The following GRAMD4 variants were observed in gnomAD, a reference collection of about 807,000 sequenced individuals.
GRAMD4 encodes GRAM domain containing 4.
Under a neutral mutation model 83.9 loss-of-function variants are expected in GRAMD4, and 25 were observed. The ratio of observed to expected loss-of-function variants is 0.30; its 90% confidence interval spans 0.22 to 0.42. GRAMD4 has a LOEUF of 0.42. GRAMD4 is among the 10% of genes least tolerant of loss of function. The pLI is 1.00. For missense variants in GRAMD4, 593 were observed against 788.7 expected (o/e 0.75, Z 2.97); for synonymous variants, 336 against 320.9 (o/e 1.05, Z -0.50).
intron 9 of GRAMD4, 22 bp from the exon 10 acceptor site, chr22:46,666,803 G>A (rs751752066): frequency 1.4e-5 from 22 of 1,606,650 alleles, no homozygotes; most frequent in Admixed American, 1.3e-4. Flanking sequence ...TCCTAAAGGT[G>A]TGTGTGTTTT....
intron 1 of GRAMD4, among the ~76,000 whole-genome samples, chr22:46,591,417 G>A (rs1324129991): frequency 1.3e-5 from 2 of 152,136 alleles, no homozygotes; most frequent in Non-Finnish European, 2.9e-5. Flanking sequence ...TTGGGAGGCT[G>A]AGGTGGGAGT....
At chr22:46,610,729 T>C (rs757270550) in intron 1 of GRAMD4, among the ~76,000 whole-genome samples, 5 of 152,200 alleles carry the variant, frequency 3.3e-5, no homozygotes, top group Non-Finnish European at 4.4e-5. Context: ...GGCCATCTCA[T>C]TGGCTGGTTA....
upstream of GRAMD4, among the ~76,000 whole-genome samples, chr22:46,617,430 C>T (rs1407240189): frequency 4.7e-5 from 7 of 150,494 alleles, no homozygotes; most frequent in Non-Finnish European, 1.0e-4. Context: ...GTAGGTTCCC[C>T]TGGGTGTAGG....
At chr22:46,590,894 C>G (rs1252012057) in intron 1 of GRAMD4, among the ~76,000 whole-genome samples, 1 of 152,118 alleles carries the variant, frequency 6.6e-6, no homozygotes, top group South Asian at 2.1e-4. Flanking sequence ...AACTCTGTCT[C>G]TACTAAAAAT....
intron 1 of GRAMD4, among the ~76,000 whole-genome samples, chr22:46,591,626 G>A (rs2081208795): frequency 6.6e-6 from 1 of 152,076 alleles, no homozygotes; most frequent in Non-Finnish European, 1.5e-5. Flanking sequence ...CCAGAGGTCA[G>A]TAGTTGGAGA....
intron 1 of GRAMD4, among the ~76,000 whole-genome samples, chr22:46,599,217 CTGTGTGTGAGAGTGCT>C (rs1467437969): frequency 2.0e-5 from 3 of 152,142 alleles, no homozygotes; most frequent in Non-Finnish European, 4.4e-5. Flanking sequence ...CAGACAGGGC[CTGTGTGTGAGAGTGCT>C]TGCGTTGTCA....
chr22:46,598,077 G>T (rs1442780514), intron 1 of GRAMD4, among the ~76,000 whole-genome samples: 1 of 152,164 alleles, frequency 6.6e-6, no homozygotes, highest in East Asian at 1.9e-4. Flanking sequence ...CACCTCCTGG[G>T]TTCAAGTGAT....
chr22:46,628,364 A>C (rs969044633), intron 2 of GRAMD4, among the ~76,000 whole-genome samples: 1 of 151,758 alleles, frequency 6.6e-6, no homozygotes, highest in African/African-American at 2.4e-5. Flanking sequence ...CGGGCCAAGC[A>C]TGGACTCAGG....
At chr22:46,581,855 C>G (rs1299892024) in intron 1 of GRAMD4, among the ~76,000 whole-genome samples, 1 of 152,202 alleles carries the variant, frequency 6.6e-6, no homozygotes, top group African/African-American at 2.4e-5. Flanking sequence ...TGTTCTTGGG[C>G]AAGACACCTA....
chr22:46,620,055 T>C (rs1035791556), upstream of GRAMD4, among the ~76,000 whole-genome samples: 8 of 151,004 alleles, frequency 5.3e-5, no homozygotes, highest in African/African-American at 1.9e-4. The surrounding 1 kb of genome is among the most constrained non-coding windows in gnomAD (Gnocchi z 4.7). Context: ...AGAGGAACTT[T>C]AGCAGGGGAG....
intron 2 of GRAMD4, among the ~76,000 whole-genome samples, chr22:46,628,840 A>T (rs1347273758): frequency 6.6e-6 from 1 of 151,720 alleles, no homozygotes; most frequent in Admixed American, 6.6e-5. Flanking sequence ...ATGTCTGGGG[A>T]GTAGCTTGGA....
chr22:46,679,676 G>C lies in GRAMD4; in HGVS notation c.*2425G>C, dbSNP rs1002286515. 1 of 981,746 alleles carries C rather than the reference G, an allele frequency of 1.0e-6. No homozygotes were observed. Among genetic ancestry groups the C allele is most frequent in the African/African-American group, 1.7e-5 (1 of 57,308 alleles). 60.8% of individuals were successfully genotyped at this position (981,746 alleles called of 1,614,324 possible). On this transcript the variant is annotated 3_prime_UTR_variant, in exon 19 of 19. Transcript: ENST00000406902. ...GGATTGTACTGTATTAAGAACCGAT[G>C]AAAAAAATTCTCCTGTAACATTTTT...
chr22:46,670,970 C>T (rs1319239000), intron 13 of GRAMD4: 10 of 323,458 alleles, frequency 3.1e-5, no homozygotes, highest in Non-Finnish European at 5.7e-5. Flanking sequence ...ATCACCACTG[C>T]CACTGGGCAG....
intron 2 of GRAMD4, among the ~76,000 whole-genome samples, chr22:46,630,273 G>A (rs1287347881): frequency 1.3e-5 from 2 of 152,118 alleles, no homozygotes; most frequent in African/African-American, 2.4e-5. Context: ...CAATCCACCC[G>A]CCTCAGCCTC....
intron 2 of GRAMD4, among the ~76,000 whole-genome samples, chr22:46,632,020 T>C (rs2081781641): frequency 6.6e-6 from 1 of 152,152 alleles, no homozygotes; most frequent in Non-Finnish European, 1.5e-5. Context: ...GGCGTGTGTC[T>C]TTTCATCTCT....
intron 1 of GRAMD4, among the ~76,000 whole-genome samples, chr22:46,607,016 C>T (rs1054731136): frequency 1.6e-4 from 25 of 152,194 alleles, no homozygotes; most frequent in Non-Finnish European, 1.9e-4. Flanking sequence ...CAGGCCAGAG[C>T]GTTTGCCTGA....
chr22:46,595,100 C>A (rs9616075), intron 1 of GRAMD4, among the ~76,000 whole-genome samples: 36,154 of 152,004 alleles, frequency 0.24, 4,707 homozygotes, highest in Non-Finnish European at 0.29. Context: ...CCCAGCCCCA[C>A]ATGCGGCCCG....
intron 3 of GRAMD4, among the ~76,000 whole-genome samples, chr22:46,657,722 G>A (rs1403223856): frequency 6.6e-6 from 1 of 152,218 alleles, no homozygotes; most frequent in South Asian, 2.1e-4. Flanking sequence ...GCTGTGGGCT[G>A]TCCCCGCTGG....
intron 2 of GRAMD4, among the ~76,000 whole-genome samples, chr22:46,637,163 G>A (rs1414601531): frequency 6.6e-6 from 1 of 152,220 alleles, no homozygotes; most frequent in African/African-American, 2.4e-5. Context: ...CGGACACACG[G>A]GGCCAGCACA....
Sources: allele counts gnomAD v4.1 joint callset (sites outside exome capture counted in the v4.1 genomes callset), GRCh38; gene constraint gnomAD v4.1.1; non-coding constraint Gnocchi (gnomAD v3.1); transcripts MANE v1.5; gene names NCBI Gene and HGNC (gene_info 2026-07-23, HGNC 2026-07-21).